The following BICD1 variants were observed in gnomAD, a reference collection of about 807,000 sequenced individuals.
BICD1 encodes BICD cargo adaptor 1, also known as protein bicaudal D homolog 1.
BICD1 carries 35 observed loss-of-function variants against 92.5 expected under a neutral mutation model. The observed-to-expected ratio is 0.38, with a 90% CI of 0.29 to 0.50. The LOEUF is 0.50. BICD1 is among the 20% of genes least tolerant of loss of function. BICD1 has a pLI of 0.93. For missense variants in BICD1, 950 were observed against 1,189.8 expected, an observed-to-expected ratio of 0.80 and a Z score of 2.97; for synonymous variants, 429 against 465.1, an observed-to-expected ratio of 0.92 and a Z score of 1.00.
chr12:32,284,020 C>T (rs792473), intron 2 of BICD1, among the ~76,000 whole-genome samples: 94,315 of 152,190 alleles, frequency 0.62, 30,265 homozygotes, highest in Middle Eastern at 0.77. Flanking sequence ...CCCTCTACCC[C>T]GAAACTTTCC....
intron 2 of BICD1, among the ~76,000 whole-genome samples, chr12:32,248,728 G>A (rs1194930135): frequency 6.6e-6 from 1 of 152,150 alleles, no homozygotes; most frequent in East Asian, 1.9e-4. Flanking sequence ...CTCACAACCA[G>A]GAGGAATTAG....
chr12:32,187,466 G>C lies in BICD1; in HGVS notation c.214-28781G>C, dbSNP rs867521024. On this transcript the variant is annotated intron_variant, in intron 1 of 9. Coordinates refer to ENST00000652176, the MANE Select transcript of BICD1 (RefSeq NM_001714.4). ...AGGCGGGCAGATCACAAGGTCAGGA[G>C]TTGGAGACCAGCCTGACCAACATGG... Among the ~76,000 whole-genome samples, 9 of 152,264 alleles carry C rather than the reference G, an allele frequency of 5.9e-5. 1 individual carries two copies. The Middle Eastern group carries it at 0.027, about 460-fold the overall frequency.
At chr12:32,229,700 G>A (rs1565603315) in intron 2 of BICD1, among the ~76,000 whole-genome samples, 2 of 152,054 alleles carry the variant, frequency 1.3e-5, no homozygotes, top group Admixed American at 6.6e-5. Context: ...GAATAGAAGC[G>A]TTTTTCATGG....
intron 4 of BICD1, among the ~76,000 whole-genome samples, chr12:32,316,506 G>A (rs913681485): frequency 2.7e-5 from 4 of 150,882 alleles, no homozygotes; most frequent in African/African-American, 7.3e-5. Flanking sequence ...TCACCATGTC[G>A]GCCTGGCTGG....
At chr12:32,331,891 TAGCTTCAA>T (rs1937889696) in intron 5 of BICD1, among the ~76,000 whole-genome samples, 2 of 152,212 alleles carry the variant, frequency 1.3e-5, no homozygotes, top group South Asian at 4.1e-4. Context: ...TTGCCGTAAA[TAGCTTCAA>T]GTATTAACAG....
chr12:32,257,090 G>C (rs528400694), intron 2 of BICD1, among the ~76,000 whole-genome samples: 3 of 151,862 alleles, frequency 2.0e-5, no homozygotes, highest in African/African-American at 4.8e-5. Context: ...GCAGGTGCCT[G>C]TAGTCCCAGT....
At chr12:32,310,891 A>G (rs1438714729) in intron 4 of BICD1, among the ~76,000 whole-genome samples, 2 of 152,204 alleles carry the variant, frequency 1.3e-5, no homozygotes, top group Non-Finnish European at 1.5e-5. Flanking sequence ...ACTCCTTTGA[A>G]AACAGTATAC....
chr12:32,333,348 C>T (rs1565678385), intron 5 of BICD1: 1 of 887,180 alleles, frequency 1.1e-6, no homozygotes, highest in Non-Finnish European at 1.3e-6. Flanking sequence ...TCATTTTAAT[C>T]TGAATTTAAA....
chr12:32,201,431 G>A (rs1020554175), intron 1 of BICD1, among the ~76,000 whole-genome samples: 1 of 151,990 alleles, frequency 6.6e-6, no homozygotes, highest in African/African-American at 2.4e-5. Context: ...CAGCGATTTG[G>A]CACCTAAATG....
intron 2 of BICD1, among the ~76,000 whole-genome samples, chr12:32,223,299 T>A (rs1234572760): frequency 6.6e-6 from 1 of 152,092 alleles, no homozygotes; most frequent in Non-Finnish European, 1.5e-5. Flanking sequence ...AAGTGGACCA[T>A]CTGAGGTCAA....
intron 1 of BICD1, among the ~76,000 whole-genome samples, chr12:32,191,444 G>C (rs969263612): frequency 6.6e-6 from 1 of 151,486 alleles, no homozygotes; most frequent in Admixed American, 6.6e-5. Context: ...CAAATTGAAG[G>C]TTTGTGGCAA....
At chr12:32,177,291 G>A (rs757764666) in intron 1 of BICD1, among the ~76,000 whole-genome samples, 1 of 150,964 alleles carries the variant, frequency 6.6e-6, no homozygotes, top group Non-Finnish European at 1.5e-5. Context: ...CTCCAGTCTG[G>A]GCAACACAGC....
At chr12:32,251,635 T>A (rs1946524618) in intron 2 of BICD1, among the ~76,000 whole-genome samples, 1 of 152,200 alleles carries the variant, frequency 6.6e-6, no homozygotes, top group Non-Finnish European at 1.5e-5. Flanking sequence ...CTACATACTG[T>A]TCTACTATAT....
rs1337552563 is a variant in BICD1, at chr12:32,125,282, A to ATC, written c.213+17738_213+17739insTC. 2.1e-3 allele frequency among the ~76,000 whole-genome samples: 318 copies of ATC among 152,240 alleles called. 1 individual carries two copies. Among genetic ancestry groups the ATC allele is most frequent in the African/African-American group, 7.5e-3 (310 of 41,536 alleles). ...CTTCTAATGGTTGATCAGACCCTTG[A>ATC]ATGTTGAGCTCTTTCCATACTAGAC... On this transcript the variant is annotated intron_variant, in intron 1 of 9. Coordinates refer to ENST00000652176, the MANE Select transcript of BICD1 (RefSeq NM_001714.4).
rs1354754037 is a variant in BICD1, at chr12:32,378,475, T to TTGTATGTG, written c.*860_*867dup. The stretch of plus-strand genomic sequence containing the variant: ...GAGTAGATGTACTGGTGCTGCTCCT[T>TTGTATGTG]TGTATGTGTGTATGTGTGTGATAAC... On this transcript the variant is annotated 3_prime_UTR_variant, in exon 10 of 10. Transcript: ENST00000652176. The TTGTATGTG allele has an allele frequency of 5.3e-5, 8 of 152,206 alleles. No individual in the cohort carries two copies. Among genetic ancestry groups the TTGTATGTG allele is most frequent in the Admixed American group, 3.3e-4 (5 of 15,278 alleles). 9.4% of individuals were successfully genotyped at this position (152,206 alleles called of 1,614,324 possible).
intron 2 of BICD1, among the ~76,000 whole-genome samples, chr12:32,267,439 T>C (rs1947028219): frequency 6.6e-6 from 1 of 152,228 alleles, no homozygotes; most frequent in Non-Finnish European, 1.5e-5. Flanking sequence ...GAACAAGTAC[T>C]CAGTAAATAG....
At chr12:32,246,650 C>G (rs1323133933) in intron 2 of BICD1, among the ~76,000 whole-genome samples, 1 of 152,048 alleles carries the variant, frequency 6.6e-6, no homozygotes, top group African/African-American at 2.4e-5. Context: ...AAAAAATCAT[C>G]TTTACAGTTA....
At chr12:32,348,972 G>C (rs560598416) in intron 8 of BICD1, among the ~76,000 whole-genome samples, 70 of 152,106 alleles carry the variant, frequency 4.6e-4, no homozygotes, top group Non-Finnish European at 9.0e-4. Context: ...TCAAGACAGA[G>C]AATAGCCCGT....
intron 1 of BICD1, among the ~76,000 whole-genome samples, chr12:32,183,810 C>T (rs1944350629): frequency 1.3e-5 from 2 of 152,318 alleles, no homozygotes; most frequent in South Asian, 2.1e-4. Context: ...AACATCTGAA[C>T]CCTCAGCCCA....
Sources: gnomAD v4.1 joint callset for allele counts (sites outside exome capture counted in the v4.1 genomes callset) on GRCh38, gnomAD v4.1.1 for gene constraint, MANE v1.5 for transcripts, NCBI Gene and HGNC (gene_info 2026-07-23, HGNC 2026-07-21) for gene names.